The following KRT86 variants were observed in gnomAD, a reference collection of about 807,000 sequenced individuals.
KRT86 encodes keratin, type II cuticular Hb6.
Under a neutral mutation model 41.2 loss-of-function variants are expected in KRT86, and 30 were observed. The observed-to-expected ratio is 0.73, with a 90% confidence interval of 0.54 to 0.99. The LOEUF (loss-of-function observed/expected upper bound fraction) is 0.99. Among genes scored for constraint, KRT86 ranks in the 50% least tolerant of loss-of-function variants. The pLI, the probability that KRT86 is intolerant of heterozygous loss-of-function variation, is 0.00. For synonymous variants in KRT86, 238 were observed against 238.1 expected (o/e 1.00, Z 0.00); for missense variants, 561 against 571.4 (o/e 0.98, Z 0.19).
chr12:52,305,704 C>T lies in KRT86; in HGVS notation c.942C>T (p.Thr314=), dbSNP rs778453366. Reference sequence around the variant, plus strand: ...CCACGGTGATCAGGCACGGGGAGACCCTGCGCCGCACCAAGGAGGAGATCA... The same window carrying T: ...CCACGGTGATCAGGCACGGGGAGACTCTGCGCCGCACCAAGGAGGAGATCA... ...MKATVIRHGE[T]LRRTKEEINE... Residue 314 remains threonine, a synonymous_variant, in exon 8 of 11, where the codon ACC becomes ACT. Coordinates refer to ENST00000423955, the MANE Select transcript of KRT86 (RefSeq NM_001320198.2). 1.9e-6 allele frequency: 3 copies of T among 1,613,940 alleles called. No homozygotes were observed. In the East Asian group the frequency reaches 6.7e-5, roughly 36 times the overall value.
intron 2 of KRT86, among the ~76,000 whole-genome samples, chr12:52,299,602 C>T (rs765177692): frequency 2.6e-5 from 4 of 152,194 alleles, no homozygotes; most frequent in Admixed American, 6.5e-5. Flanking sequence ...TCCTTGCCAG[C>T]ATCCATAATT....
intron 2 of KRT86, chr12:52,286,618 A>T: frequency 8.3e-7 from 1 of 1,207,264 alleles, no homozygotes; most frequent in Non-Finnish European, 1.2e-6. Flanking sequence ...GGACAATTCT[A>T]GGTCCATCTA....
intron 2 of KRT86, 139 bp from the exon 3 acceptor site, chr12:52,301,774 C>A (rs1938382997): frequency 1.3e-6 from 2 of 1,570,448 alleles, no homozygotes; most frequent in Non-Finnish European, 1.7e-6. Context: ...CTTCTAATTG[C>A]TCCGACCCAC....
chr12:52,282,652 G>A (rs776612151), intron 2 of KRT86, among the ~76,000 whole-genome samples: 8 of 152,194 alleles, frequency 5.3e-5, no homozygotes, highest in African/African-American at 7.2e-5. Context: ...CAAGCCTAGG[G>A]GTTAGAGCAA....
At chr12:52,282,765 A>T (rs1391064292) in intron 2 of KRT86, among the ~76,000 whole-genome samples, 1 of 152,120 alleles carries the variant, frequency 6.6e-6, no homozygotes, top group Non-Finnish European at 1.5e-5. Flanking sequence ...CCCCTACCTC[A>T]CCAGCACACA....
In KRT86 at chr12:52,308,331, T is replaced by C. The variant is rs1938565155; in HGVS notation, c.1279+67T>C. 2.5e-5 allele frequency: 40 copies of C among 1,613,196 alleles called. 2 individuals are homozygous for C. The South Asian group carries it at 4.4e-4, about 18-fold the overall frequency. The stretch of plus-strand genomic sequence containing the variant: ...TGGGAGCCTCTGGGCAAAGGGCGCG[T>C]GGGCTCGCAGCAAAGCCACTCACCC... On this transcript the variant is annotated intron_variant, in intron 10 of 10. Coordinates refer to ENST00000423955, the MANE Select transcript of KRT86 (RefSeq NM_001320198.2).
chr12:52,300,091 T>C (rs1592434396), intron 2 of KRT86, among the ~76,000 whole-genome samples: 1 of 152,214 alleles, frequency 6.6e-6, no homozygotes, highest in Admixed American at 6.5e-5. Context: ...TATATTTAAG[T>C]CTTTAATCCA....
At chr12:52,286,119 G>C in intron 2 of KRT86, 1 of 767,598 alleles carries the variant, frequency 1.3e-6, no homozygotes, top group Non-Finnish European at 2.2e-6. Context: ...ACAGAGAAAT[G>C]TGAGGCCAGG....
chr12:52,303,417 T>C (rs1330168018), intron 4 of KRT86, 109 bp downstream of exon 4: 1 of 231,012 alleles, frequency 4.3e-6, no homozygotes, highest in Non-Finnish European at 7.9e-6. Context: ...GACCACTAGA[T>C]TGACCGAGGG....
chr12:52,291,102 C>G, intron 2 of KRT86: 1 of 707,724 alleles, frequency 1.4e-6, no homozygotes, highest in Non-Finnish European at 2.1e-6. Context: ...CCCACCTTGT[C>G]GATGAAGGCC....
chr12:52,277,993 A>G (rs1448265861), intron 2 of KRT86, among the ~76,000 whole-genome samples: 1 of 152,226 alleles, frequency 6.6e-6, no homozygotes, highest in Non-Finnish European at 1.5e-5. Context: ...CGGTTTGTCC[A>G]TGGAGACAGC....
rs376573652 is a variant in KRT86 at position 52,305,367 on chromosome 12, G to A, written c.863G>A (p.Arg288His). 79 of 1,614,254 alleles carry A rather than the reference G, an allele frequency of 4.9e-5. No homozygotes were observed. Among genetic ancestry groups the A allele is most frequent in the East Asian group, 4.0e-4 (18 of 44,880 alleles). ...GCACAGTACGATGACATTGTCACCCGTAGCCGGGCTGAGGCCGAGTCCTGG... is the reference window on the plus strand; with the variant it reads ...GCACAGTACGATGACATTGTCACCCATAGCCGGGCTGAGGCCGAGTCCTGG... Reference protein sequence around the residue: ...IKAQYDDIVTRSRAEAESWYR... With the variant: ...IKAQYDDIVTHSRAEAESWYR... Residue 288 changes from arginine (R) to histidine (H), a missense_variant, in exon 7 of 11, where the codon CGT (arginine) becomes CAT (histidine). Physicochemically the swap from Arg to His is conservative, Grantham distance 29. Around this residue, in one of 3 missense-constraint regions of KRT86, gnomAD observed 397 missense variants for 375.9 expected, o/e 1.06. Coordinates refer to ENST00000423955, the MANE Select transcript of KRT86 (RefSeq NM_001320198.2).
intron 2 of KRT86, among the ~76,000 whole-genome samples, chr12:52,296,174 TAGA>T (rs1214141469): frequency 6.6e-6 from 1 of 151,944 alleles, no homozygotes; most frequent in East Asian, 1.9e-4. Context: ...CAGGGTGACT[TAGA>T]AGAAGAGAAG....
chr12:52,297,949 A>C (rs893494586), intron 2 of KRT86, among the ~76,000 whole-genome samples: 2 of 152,238 alleles, frequency 1.3e-5, no homozygotes, highest in African/African-American at 4.8e-5. Flanking sequence ...CTACTGACCA[A>C]TCAGGAGGTT....
In KRT86 at chr12:52,308,713, C is replaced by G. The variant is rs1313465647; in HGVS notation, c.*128C>G. Reference sequence around the variant, plus strand: ...GCCCGCTGCCTGCACTCTAAGCGCCCTCCCCACCGCTCCGCTCCGGGAGCC... The same window carrying G: ...GCCCGCTGCCTGCACTCTAAGCGCCGTCCCCACCGCTCCGCTCCGGGAGCC... On this transcript the variant is annotated 3_prime_UTR_variant, in exon 11 of 11. Coordinates refer to ENST00000423955, the MANE Select transcript of KRT86 (RefSeq NM_001320198.2). The G allele has an allele frequency of 8.5e-6, 7 of 821,460 alleles. No homozygotes were observed. Among genetic ancestry groups the G allele is most frequent in the Non-Finnish European group, 1.3e-5 (7 of 524,948 alleles). The allele number at this position is 821,460 out of a possible 1,614,324, so 50.9% of individuals were successfully genotyped here.
intron 2 of KRT86, among the ~76,000 whole-genome samples, chr12:52,282,877 A>T (rs892455468): frequency 6.6e-6 from 1 of 152,196 alleles, no homozygotes; most frequent in East Asian, 1.9e-4. Context: ...GTATAATCAC[A>T]CATTTAGAAA....
At chr12:52,286,313 G>A (rs1359707216) in intron 2 of KRT86, 1 of 1,554,562 alleles carries the variant, frequency 6.4e-7, no homozygotes. Context: ...GATACCACAG[G>A]AGCCCACGCC....
At chr12:52,277,911 G>A (rs1937670821) in intron 2 of KRT86, among the ~76,000 whole-genome samples, 1 of 152,222 alleles carries the variant, frequency 6.6e-6, no homozygotes, top group East Asian at 1.9e-4. Context: ...AAAAGTTCTA[G>A]CTGATGTGTA....
intron 2 of KRT86, among the ~76,000 whole-genome samples, chr12:52,279,943 G>A (rs779479624): frequency 6.6e-6 from 1 of 152,292 alleles, no homozygotes. Flanking sequence ...TGAGGTTCTG[G>A]GTAGGGAGGT....
Sources: gnomAD v4.1 joint callset for allele counts (sites outside exome capture counted in the v4.1 genomes callset) on GRCh38, gnomAD v4.1.1 for gene constraint, gnomAD v4.1.1 regional missense constraint, MANE v1.5 for transcripts, NCBI Gene and HGNC (gene_info 2026-07-23, HGNC 2026-07-21) for gene names.